Variants in ZNF770 observed in about 807,000 individuals in gnomAD.
ZNF770 encodes zinc finger protein 770.
ZNF770 carries 13 observed loss-of-function variants against 44.8 expected under a neutral mutation model. The ratio of observed to expected loss-of-function variants is 0.29; its 90% CI spans 0.19 to 0.46. The LOEUF (loss-of-function observed/expected upper bound fraction) is 0.46. ZNF770 is among the 20% of genes least tolerant of loss of function. ZNF770 has a pLI of 1.00. For missense variants in ZNF770, 681 were observed against 797.9 expected (o/e 0.85, Z 1.77); for synonymous variants, 304 against 271.8 (o/e 1.12, Z -1.17).
rs763585955 is a variant in ZNF770 at position 34,982,030 on chromosome 15, G to C, written c.1405C>G (p.Arg469Gly). 6 of 1,613,480 alleles carry C rather than the reference G, an allele frequency of 3.7e-6. No homozygotes were observed. The highest frequency in any genetic ancestry group is 5.1e-6 in the Non-Finnish European group (6 of 1,179,978). Residue 469 changes from arginine (R) to glycine (G), a missense_variant, in exon 3 of 3, where the codon CGT (arginine) becomes GGT (glycine). Arg to Gly is a moderately radical substitution (Grantham distance 125, BLOSUM62 -2). Coordinates refer to ENST00000356321, the MANE Select transcript of ZNF770 (RefSeq NM_014106.4). ...CGFSVPRENI[R>G]TRHKICPCDK... ...CAAGGACATATCTTATGTCTAGTACGTATGTTTTCCCTTGGAACTGAAAAA... is the reference window on the plus strand; with the variant it reads ...CAAGGACATATCTTATGTCTAGTACCTATGTTTTCCCTTGGAACTGAAAAA...
In ZNF770 at chr15:34,979,579, C is replaced by G. The variant is rs765169849; in HGVS notation, c.*1780G>C. The stretch of plus-strand genomic sequence containing the variant: ...GTATTTTACTCAGACTGTCATGTTT[C>G]ATCTCTGTAAATTAAACCCAAGTTA... On this transcript the variant is annotated 3_prime_UTR_variant, in exon 3 of 3. Transcript: ENST00000356321. The G allele has an allele frequency of 2.3e-5, 10 of 440,838 alleles. No homozygotes were observed. The highest frequency in any genetic ancestry group is 1.5e-4 in the South Asian group (9 of 61,614). The allele number at this position is 440,838 out of a possible 1,614,324, so 27.3% of individuals were successfully genotyped here.
rs2050381544 is a variant in ZNF770, at chr15:34,978,537, ATCAC to A, written c.*2818_*2821del. ...GTAAATGATCATACTACAGCCTGGA[ATCAC>A]TCAAACAAAAAATTCTTCTAGTTCT... On this transcript the variant is annotated 3_prime_UTR_variant, in exon 3 of 3. Coordinates refer to ENST00000356321, the MANE Select transcript of ZNF770 (RefSeq NM_014106.4). The A allele has an allele frequency of 6.6e-6, 1 of 152,176 alleles. No homozygotes were observed. Among genetic ancestry groups the A allele is most frequent in the South Asian group, 2.1e-4 (1 of 4,834 alleles). 9.4% of individuals were successfully genotyped at this position (152,176 alleles called of 1,614,324 possible). A position where few individuals can be genotyped will look rare whatever the true frequency, so the allele number is the denominator to read the frequency against.
intron 2 of ZNF770, among the ~76,000 whole-genome samples, chr15:34,987,083 T>C (rs973325996): frequency 6.6e-6 from 1 of 152,250 alleles, no homozygotes; most frequent in Non-Finnish European, 1.5e-5. Context: ...GTATGTTTCT[T>C]CTTCCCTTTA....
In ZNF770 at chr15:34,982,074, C is replaced by T; in HGVS notation, c.1361G>A (p.Cys454Tyr). The change falls in exon 3 of 3, where the codon TGT (cysteine) becomes TAT (tyrosine). Residue 454 changes from cysteine (C) to tyrosine (Y), a missense_variant. Cys to Tyr is a radical substitution (Grantham distance 194). This residue lies in a region of ZNF770 where 432 missense variants were observed against 434.1 expected (regional missense o/e 1.00). Coordinates refer to ENST00000356321, the MANE Select transcript of ZNF770 (RefSeq NM_014106.4). The stretch of plus-strand genomic sequence containing the variant: ...TGAAAAACCACACTGAAGTACCTCA[C>T]AGTTATTAAAGAATTCCTCACCTGA... ...GSSGEEFFNN[C>Y]EVLQCGFSVP... is the part of the protein sequence containing the mutation. 6.2e-7 allele frequency: 1 copy of T among 1,613,836 alleles called. No individual in the cohort carries two copies. The highest frequency in any genetic ancestry group is 8.5e-7 in the Non-Finnish European group (1 of 1,180,008).
Position 34,980,994 on chromosome 15 carries a change from TTGAGTA to T in ZNF770, c.*359_*364del, listed in dbSNP as rs1229576430. The T allele has an allele frequency of 4.5e-5, 8 of 179,536 alleles. No homozygotes were observed. Among genetic ancestry groups the T allele is most frequent in the African/African-American group, 9.5e-5 (4 of 42,144 alleles). The allele number at this position is 179,536 out of a possible 1,614,324, so 11.1% of individuals were successfully genotyped here. ...AAGCCAAGTTTTGCCTCTCAGTCTTTTGAGTATATCTAAAAAGAGATGGCATGTCTT... is the reference window on the plus strand; with the variant it reads ...AAGCCAAGTTTTGCCTCTCAGTCTTTTATCTAAAAAGAGATGGCATGTCTT... On this transcript the variant is annotated 3_prime_UTR_variant, in exon 3 of 3. Transcript: ENST00000356321.
At position 34,982,677 on chromosome 15, in the gene ZNF770, C is replaced by T. The variant is rs188291061; in HGVS notation, c.758G>A (p.Arg253His). The change falls in exon 3 of 3, where the codon CGT (arginine) becomes CAT (histidine). Residue 253 changes from arginine to histidine, a missense_variant. By Grantham distance (29) the Arg-to-His change is conservative. Transcript: ENST00000356321. Reference sequence around the variant, plus strand: ...ATTAGGCAGGGGGCGAGATTCTGTACGCCTCTTCTTTAATAAAAGAGCCCG... The same window carrying T: ...ATTAGGCAGGGGGCGAGATTCTGTATGCCTCTTCTTTAATAAAAGAGCCCG... Reference protein sequence around the residue: ...AFRALLLKKRRTESRPLPNKL... With the variant: ...AFRALLLKKRHTESRPLPNKL... The T allele has an allele frequency of 4.0e-5, 64 of 1,612,664 alleles. No individual in the cohort carries two copies. Among genetic ancestry groups the T allele is most frequent in the Admixed American group, 1.7e-4 (10 of 60,002 alleles).
intron 2 of ZNF770, among the ~76,000 whole-genome samples, chr15:34,986,979 C>T (rs1016230866): frequency 2.6e-5 from 4 of 152,260 alleles, no homozygotes; most frequent in Non-Finnish European, 4.4e-5. Flanking sequence ...CAGCTTGGCC[C>T]TTGAGGCCAG....
At position 34,981,895 on chromosome 15, in the gene ZNF770, GTC is replaced by G; in HGVS notation, c.1538_1539del (p.Arg513ThrfsTer9). ...TCATGTCTTTTTAAGTGAGCTGACT[GTC>G]TAAAAGATTTCCCACAAATATTACA... ...FGCNICGKSF[R>X]QSAHLKRHEQ... On this transcript the variant is annotated frameshift_variant, in exon 3 of 3. Coordinates refer to ENST00000356321, the MANE Select transcript of ZNF770 (RefSeq NM_014106.4). LOFTEE classifies it high-confidence loss of function. The G allele has an allele frequency of 6.2e-7, 1 of 1,613,972 alleles. No homozygotes were observed.
rs770510860 is a variant in ZNF770 at position 34,987,677 on chromosome 15, A to C, written c.-173-4T>G. ...AAGCGAACAAGAAATGAAAGACCTA[A>C]GAGAAACACACACAACTTTCAGTTG... On this transcript the variant is annotated splice_region_variant and splice_polypyrimidine_tract_variant and intron_variant, in intron 1 of 2. Coordinates refer to ENST00000356321, the MANE Select transcript of ZNF770 (RefSeq NM_014106.4). The C allele has an allele frequency of 1.3e-5, 2 of 152,250 alleles. No individual in the cohort carries two copies. The highest frequency in any genetic ancestry group is 4.8e-5 in the African/African-American group (2 of 41,462). 9.4% of individuals were successfully genotyped at this position (152,250 alleles called of 1,614,324 possible).
rs942709873 is a variant in ZNF770, at chr15:34,981,626, T to C, written c.1809A>G (p.Glu603=). 6.2e-7 allele frequency: 1 copy of C among 1,614,050 alleles called. No homozygotes were observed. Among genetic ancestry groups the C allele is most frequent in the Admixed American group, 1.7e-5 (1 of 60,002 alleles). The change falls in exon 3 of 3, where the codon GAA becomes GAG. Residue 603 remains glutamate (E), a synonymous_variant. Coordinates refer to ENST00000356321, the MANE Select transcript of ZNF770 (RefSeq NM_014106.4). ...GQPCLPNVLL[E]SEQSNPFCSY... ...TGCAAAAAGGATTGCTTTGCTCTGA[T>C]TCCAAAAGTACATTAGGAAGACAGG...
Position 34,981,136 on chromosome 15 carries a change from C to T in ZNF770, c.*223G>A. The T allele has an allele frequency of 1.9e-6, 1 of 529,262 alleles. No homozygotes were observed. Among genetic ancestry groups the T allele is most frequent in the Non-Finnish European group, 3.3e-6 (1 of 303,350 alleles). 32.8% of individuals were successfully genotyped at this position (529,262 alleles called of 1,614,324 possible). On this transcript the variant is annotated 3_prime_UTR_variant, in exon 3 of 3. Transcript: ENST00000356321. ...TATGTTTACAATATTAAAATGCCTA[C>T]TTTATAGCATCAAATCATGTTCTTG...
rs1262640266 is a variant in ZNF770 at position 34,980,838 on chromosome 15, CTG to C, written c.*519_*520del. The C allele has an allele frequency of 7.3e-6, 1 of 136,062 alleles. No homozygotes were observed. Among genetic ancestry groups the C allele is most frequent in the African/African-American group, 3.1e-5 (1 of 32,244 alleles). The allele number at this position is 136,062 out of a possible 1,614,324, so 8.4% of individuals were successfully genotyped here. A position where few individuals can be genotyped will look rare whatever the true frequency, so the allele number is the denominator to read the frequency against. ...TCATCCATTTTCACCTTTAGTGTCTCTGTAGTTTTTTTAACTTACAAAAAAAA... is the reference window on the plus strand; with the variant it reads ...TCATCCATTTTCACCTTTAGTGTCTCTAGTTTTTTTAACTTACAAAAAAAA... On this transcript the variant is annotated 3_prime_UTR_variant, in exon 3 of 3. Transcript: ENST00000356321.
rs773915158 is a variant in ZNF770, at chr15:34,983,119, T to G, written c.316A>C (p.Thr106Pro). The G allele has an allele frequency of 6.2e-7, 1 of 1,613,980 alleles. No homozygotes were observed. Among genetic ancestry groups the G allele is most frequent in the Non-Finnish European group, 8.5e-7 (1 of 1,180,000 alleles). ...ACCTGTTTAACATTATTCTGATAGG[T>G]TTCATTGTGAAGTTGTTGGTGCTTC... ...FVKHQQLHNETYQNNVKQVRR... is the reference protein window; with the variant it reads ...FVKHQQLHNEPYQNNVKQVRR... The change falls in exon 3 of 3, where the codon ACC (threonine) becomes CCC (proline). Residue 106 changes from threonine to proline, a missense_variant. Physicochemically the swap from Thr to Pro is conservative, Grantham distance 38. Around this residue, in one of 5 missense-constraint regions of ZNF770, gnomAD observed 432 missense variants for 434.1 expected, o/e 1.00. Transcript: ENST00000356321.
Position 34,982,115 on chromosome 15 carries a change from CAA to C in ZNF770, c.1318_1319del (p.Leu440ValfsTer8). Reference protein sequence around the residue: ...SIDNSVNKKDLSICGSSGEEF... With the variant: ...SIDNSVNKKDXSICGSSGEEF... ...CCTCACCTGATGAACCACAGATTGA[CAA>C]GTCTTTCTTATTCACTGAATTATCA... On this transcript the variant is annotated frameshift_variant, in exon 3 of 3. Coordinates refer to ENST00000356321, the MANE Select transcript of ZNF770 (RefSeq NM_014106.4). LOFTEE classifies it high-confidence loss of function. 2 of 1,614,056 alleles carry C rather than the reference CAA, an allele frequency of 1.2e-6. No individual in the cohort carries two copies. Among genetic ancestry groups the C allele is most frequent in the Non-Finnish European group, 1.7e-6 (2 of 1,180,014 alleles).
intron 2 of ZNF770, among the ~76,000 whole-genome samples, chr15:34,985,688 G>T (rs1169419865): frequency 6.6e-6 from 1 of 152,144 alleles, no homozygotes; most frequent in African/African-American, 2.4e-5. Flanking sequence ...GAGGTCAGGA[G>T]TTCGAGGCTA....
At chr15:34,985,975 A>G (rs1212903396) in intron 2 of ZNF770, among the ~76,000 whole-genome samples, 1 of 152,138 alleles carries the variant, frequency 6.6e-6, no homozygotes, top group Non-Finnish European at 1.5e-5. Context: ...CTATATAGCA[A>G]GGATAAATAT....
Position 34,982,659 on chromosome 15 carries a change from A to C in ZNF770, c.776T>G (p.Leu259Arg), listed in dbSNP as rs753202862. ...LKKRRTESRP[L>R]PNKLNANQGG... ...CTGATTTGCATTTAACTTATTAGGCAGGGGGCGAGATTCTGTACGCCTCTT... is the reference window on the plus strand; with the variant it reads ...CTGATTTGCATTTAACTTATTAGGCCGGGGGCGAGATTCTGTACGCCTCTT... The change falls in exon 3 of 3, where the codon CTG (leucine) becomes CGG (arginine). Residue 259 changes from leucine to arginine, a missense_variant. By Grantham distance (102) the Leu-to-Arg change is moderately radical. Around this residue, in one of 5 missense-constraint regions of ZNF770, gnomAD observed 432 missense variants for 434.1 expected, o/e 1.00. Coordinates refer to ENST00000356321, the MANE Select transcript of ZNF770 (RefSeq NM_014106.4). The C allele has an allele frequency of 6.2e-7, 1 of 1,612,786 alleles. No individual in the cohort carries two copies. The highest frequency in any genetic ancestry group is 8.5e-7 in the Non-Finnish European group (1 of 1,179,982).
At position 34,980,410 on chromosome 15, in the gene ZNF770, T is replaced by C. The variant is rs557734774; in HGVS notation, c.*949A>G. The C allele has an allele frequency of 3.3e-5, 5 of 152,156 alleles. No homozygotes were observed. Among genetic ancestry groups the C allele is most frequent in the African/African-American group, 4.8e-5 (2 of 41,488 alleles). 9.4% of individuals were successfully genotyped at this position (152,156 alleles called of 1,614,324 possible). A position where few individuals can be genotyped will look rare whatever the true frequency, so the allele number is the denominator to read the frequency against. ...TACTTTTAAATTATTTTGAGAAAGA[T>C]AGCACTAGCTGGGAGAAAAAAAAAA... On this transcript the variant is annotated 3_prime_UTR_variant, in exon 3 of 3. Coordinates refer to ENST00000356321, the MANE Select transcript of ZNF770 (RefSeq NM_014106.4).
intron 2 of ZNF770, among the ~76,000 whole-genome samples, chr15:34,984,160 G>A (rs2050420233): frequency 6.6e-6 from 1 of 152,010 alleles, no homozygotes; most frequent in Non-Finnish European, 1.5e-5. Context: ...AGGTCTCCTG[G>A]ATTGTCTACC....
Sources: allele counts gnomAD v4.1 joint callset (sites outside exome capture counted in the v4.1 genomes callset), GRCh38; gene constraint gnomAD v4.1.1; regional missense constraint gnomAD v4.1.1; transcripts MANE v1.5; gene names NCBI Gene and HGNC (gene_info 2026-07-23, HGNC 2026-07-21).